C2CD3: variants seen among roughly 807,000 people sequenced by gnomAD.
C2CD3 encodes the protein C2 domain-containing protein 3.
C2CD3 carries 148 observed loss-of-function variants against 234.0 expected under a neutral mutation model. The ratio of observed to expected loss-of-function variants is 0.63; its 90% confidence interval spans 0.55 to 0.72. The LOEUF is 0.72. Among genes scored for constraint, C2CD3 ranks in the 30% least tolerant of loss-of-function variants. The pLI is 0.00. For missense variants in C2CD3, 2,577 were observed against 2,811.5 expected (o/e 0.92, Z 1.89); for synonymous variants, 1,000 against 1,035.4 (o/e 0.97, Z 0.66).
chr11:74,106,574 G>T, intron 12 of C2CD3, 81 bp from the exon 13 acceptor site: 1 of 1,271,342 alleles, frequency 7.9e-7, no homozygotes, highest in Non-Finnish European at 1.1e-6. Context: ...AACATATGAT[G>T]GCTTATAAAG....
rs537206661 is a variant in C2CD3, at chr11:74,052,237, C to T, written c.5155+2370G>A. 2.6e-5 allele frequency among the ~76,000 whole-genome samples: 4 copies of T among 152,276 alleles called. No individual in the cohort carries two copies. In the East Asian group the frequency reaches 7.7e-4, roughly 29 times the overall value. On this transcript the variant is annotated intron_variant, in intron 26 of 32. Coordinates refer to ENST00000334126, the MANE Select transcript of C2CD3 (RefSeq NM_001286577.2). ...GGTAGGGAATGTATTTTATTCTCTA[C>T]ACTCCAATAGTCCTAGCATAGTACC...
chr11:74,100,722 G>A, intron 14 of C2CD3, 46 bp from the exon 15 acceptor site: 1 of 1,493,884 alleles, frequency 6.7e-7, no homozygotes, highest in Middle Eastern at 1.8e-4. Context: ...TCATACCTGA[G>A]ACAAATATTA....
intron 28 of C2CD3, among the ~76,000 whole-genome samples, chr11:74,043,709 T>G (rs1953199491): frequency 6.6e-6 from 1 of 152,182 alleles, no homozygotes. Context: ...TGGTTTTGAT[T>G]TGCATCTTTT....
intron 3 of C2CD3, among the ~76,000 whole-genome samples, chr11:74,158,275 A>G (rs1856171671): frequency 6.6e-6 from 1 of 152,270 alleles, no homozygotes; most frequent in African/African-American, 2.4e-5. Flanking sequence ...ATATTTGCAA[A>G]CTTGGCATCT....
chr11:74,030,984 G>C (rs955716384), intron 31 of C2CD3, among the ~76,000 whole-genome samples: 1 of 152,242 alleles, frequency 6.6e-6, no homozygotes, highest in African/African-American at 2.4e-5. Context: ...CTATACTTCA[G>C]GTCAGACTTT....
intron 3 of C2CD3, among the ~76,000 whole-genome samples, chr11:74,147,045 T>C (rs1855253459): frequency 6.8e-6 from 1 of 147,756 alleles, no homozygotes. Flanking sequence ...AGTAAGACTC[T>C]GTCTCAAAAA....
At chr11:74,165,823 T>TA (rs924685126) in intron 2 of C2CD3, among the ~76,000 whole-genome samples, 14 of 152,124 alleles carry the variant, frequency 9.2e-5, no homozygotes, top group African/African-American at 3.4e-4. Flanking sequence ...CCCAGCTAAT[T>TA]AAAAAAATTT....
intron 22 of C2CD3, among the ~76,000 whole-genome samples, chr11:74,079,503 A>C (rs907405235): frequency 1.3e-5 from 2 of 151,336 alleles, no homozygotes; most frequent in Non-Finnish European, 2.9e-5. Flanking sequence ...TTGAGATTAC[A>C]GGAGTGAGCC....
chr11:74,109,341 G>A (rs1956657176), intron 11 of C2CD3, 189 bp from the exon 12 acceptor site: 1 of 512,910 alleles, frequency 1.9e-6, no homozygotes. Flanking sequence ...AGAAAACTCT[G>A]GAGATAGTAC....
Position 74,033,608 on chromosome 11 carries a change from T to C in C2CD3, c.6552A>G (p.Gln2184=), listed in dbSNP as rs1205334003. The C allele has an allele frequency of 1.1e-5, 17 of 1,536,038 alleles. No homozygotes were observed. The highest frequency in any genetic ancestry group is 4.1e-5 in the African/African-American group (3 of 73,020). The change falls in exon 31 of 33, where the codon CAA becomes CAG. Residue 2184 remains glutamine (Q), a synonymous_variant. Coordinates refer to ENST00000334126, the MANE Select transcript of C2CD3 (RefSeq NM_001286577.2). ...TCCATCCAACAAACGTGCTGCTCTG[T>C]TGAGCTCCTGAGAGTGTTGGGCATG... is the stretch of plus-strand genomic sequence containing the variant. The part of the protein sequence containing the change: ...PIPCPTLSGA[Q]QSSTFVGWSS...
rs113279003 is a variant in C2CD3, at chr11:74,121,833, G to A, written c.1365+1155C>T. On this transcript the variant is annotated intron_variant, in intron 8 of 32. Coordinates refer to ENST00000334126, the MANE Select transcript of C2CD3 (RefSeq NM_001286577.2). ...GGAACACAGTATCAGTGATGACTGT[G>A]AAGGTGGGAAGTCATGAAATCCTAA... 1.2e-3 allele frequency among the ~76,000 whole-genome samples: 178 copies of A among 152,256 alleles called. 1 individual carries two copies. The East Asian group carries it at 0.027, about 23-fold the overall frequency.
Position 74,078,118 on chromosome 11 carries a change from T to C in C2CD3, c.4600A>G (p.Ser1534Gly), listed in dbSNP as rs139881411. Residue 1534 changes from serine (S) to glycine (G), a missense_variant, in exon 23 of 33, where the codon AGT becomes GGT. Coordinates refer to ENST00000334126, the MANE Select transcript of C2CD3 (RefSeq NM_001286577.2). ...TTGAATCAGGCTCCTCACTTACCAC[T>C]GACAGTTAGCGTCCTCGCTGACCTC... ...GERSARTLTV[S>G]GVYPLFGRNA... 71 of 1,611,854 alleles carry C rather than the reference T, an allele frequency of 4.4e-5. No individual in the cohort carries two copies. The highest frequency in any genetic ancestry group is 6.0e-5 in the Non-Finnish European group (71 of 1,178,828).
chr11:74,034,863 A>G (rs1471984978), intron 30 of C2CD3, among the ~76,000 whole-genome samples: 3 of 152,340 alleles, frequency 2.0e-5, no homozygotes, highest in Non-Finnish European at 4.4e-5. Flanking sequence ...ATCCTCTCTG[A>G]GCCTATTGAT....
At chr11:74,067,594 A>G (rs1954601266) in intron 24 of C2CD3, among the ~76,000 whole-genome samples, 1 of 152,158 alleles carries the variant, frequency 6.6e-6, no homozygotes, top group African/African-American at 2.4e-5. Context: ...TAGGCAAAAA[A>G]TCAGTTAATG....
chr11:74,146,912 G>A (rs75936220), intron 3 of C2CD3, among the ~76,000 whole-genome samples: 1 of 151,672 alleles, frequency 6.6e-6, no homozygotes, highest in East Asian at 1.9e-4. Context: ...AATTAGATGG[G>A]CGTGGTGACA....
At position 74,103,409 on chromosome 11, in the gene C2CD3, G is replaced by A. The variant is rs758969612; in HGVS notation, c.2302C>T (p.Arg768Ter). 3.7e-6 allele frequency: 6 copies of A among 1,614,002 alleles called. No homozygotes were observed. The highest frequency in any genetic ancestry group is 3.3e-5 in the Admixed American group (2 of 60,010). Residue 768 changes from arginine to a stop codon, truncating the protein, a stop_gained, in exon 14 of 33, where the codon CGA becomes TGA. Transcript: ENST00000334126. LOFTEE classifies it high-confidence loss of function. The part of the protein sequence containing the change: ...KKAQNLVLPN[R>*]KSPSPVAPHP... ...GGTGCTACAGGGCTTGGTGACTTTC[G>A]GTTGGGGAGCACCAAGTTCTGTGCT...
chr11:74,116,861 TACACGTGTATATGTATATATAC>T (rs1956957362), intron 9 of C2CD3, among the ~76,000 whole-genome samples: 2 of 138,936 alleles, frequency 1.4e-5, no homozygotes, highest in African/African-American at 5.2e-5. Flanking sequence ...TATGTGTATA[TACACGTGTATATGTATATATAC>T]ACACGTGTAT....
intron 3 of C2CD3, among the ~76,000 whole-genome samples, chr11:74,151,028 C>T (rs563063820): frequency 1.9e-4 from 29 of 151,078 alleles, no homozygotes; most frequent in African/African-American, 6.1e-4. Flanking sequence ...TGGCTTCAAG[C>T]GATTCTCCTG....
At position 74,133,529 on chromosome 11, in the gene C2CD3, A is replaced by G. The variant is rs776830112; in HGVS notation, c.984T>C (p.Arg328=). ...SALLEQGNKL[R]NAMVISAMKS... is the part of the protein sequence containing the mutation. Reference sequence around the variant, plus strand: ...TCATTGCAGAAATCACCATGGCATTACGCAGTTTATTGCCTTGTTCTAACA... The same window carrying G: ...TCATTGCAGAAATCACCATGGCATTGCGCAGTTTATTGCCTTGTTCTAACA... Residue 328 remains arginine, a synonymous_variant, in exon 6 of 33, where the codon CGT becomes CGC. Transcript: ENST00000334126. 6.2e-7 allele frequency: 1 copy of G among 1,614,096 alleles called. No homozygotes were observed. The highest frequency in any genetic ancestry group is 1.1e-5 in the South Asian group (1 of 91,080).
Sources: allele counts gnomAD v4.1 joint callset (sites outside exome capture counted in the v4.1 genomes callset), GRCh38; gene constraint gnomAD v4.1.1; transcripts MANE v1.5; gene names NCBI Gene and HGNC (gene_info 2026-07-23, HGNC 2026-07-21).